MACROD1: variants seen among roughly 807,000 people sequenced by gnomAD.
The protein encoded by MACROD1 is mono-ADP ribosylhydrolase 1.
In MACROD1, 31 loss-of-function variants were observed where a neutral mutation model predicts 41.4. The observed-to-expected ratio is 0.75, with a 90% CI of 0.56 to 1.01. MACROD1 has a LOEUF of 1.01. Among genes scored for constraint, MACROD1 ranks in the 50% least tolerant of loss-of-function variants. The pLI, the probability that MACROD1 is intolerant of heterozygous loss-of-function variation, is 0.00. For synonymous variants in MACROD1, 252 were observed against 203.4 expected, an observed-to-expected ratio of 1.24 and a Z score of -2.03; for missense variants, 473 against 460.0, an observed-to-expected ratio of 1.03 and a Z score of -0.26.
In MACROD1 at chr11:63,999,727, T is replaced by C. The variant is rs1942785559; in HGVS notation, c.701A>G (p.Glu234Gly). 6.2e-7 allele frequency: 1 copy of C among 1,607,892 alleles called. No homozygotes were observed. Among genetic ancestry groups the C allele is most frequent in the Non-Finnish European group, 8.5e-7 (1 of 1,179,450 alleles). Residue 234 changes from glutamate (E) to glycine (G), a missense_variant, in exon 6 of 11, where the codon GAG becomes GGG. By Grantham distance (98) the Glu-to-Gly change is moderately conservative. Coordinates refer to ENST00000255681, the MANE Select transcript of MACROD1 (RefSeq NM_014067.4). ...CTCGGCAGCCTGACTGGCGCTGGGC[T>C]CCCCGTAGGCGATGGGCCCCACTGT... The part of the protein sequence containing the change: ...IHTVGPIAYG[E>G]PSASQAAELR...
At chr11:64,125,060 TGGCCAG>T (rs1945157900) in intron 3 of MACROD1, among the ~76,000 whole-genome samples, 1 of 152,122 alleles carries the variant, frequency 6.6e-6, no homozygotes, top group South Asian at 2.1e-4. Flanking sequence ...CTGGAGACCC[TGGCCAG>T]GGCCTGGCTC....
chr11:64,130,901 G>A (rs1050409054), intron 3 of MACROD1, among the ~76,000 whole-genome samples: 14 of 152,210 alleles, frequency 9.2e-5, no homozygotes, highest in African/African-American at 3.4e-4. Flanking sequence ...AATCTTATTT[G>A]CAATGCTGCC....
chr11:64,037,990 C>G (rs1228418008), intron 3 of MACROD1, among the ~76,000 whole-genome samples: 13 of 152,232 alleles, frequency 8.5e-5, no homozygotes, highest in Admixed American at 8.5e-4. Flanking sequence ...CTGAGGGTAT[C>G]TGCAGGGACT....
Position 64,157,389 on chromosome 11 carries a change from C to T in MACROD1, c.299-4996G>A, listed in dbSNP as rs148392934. Reference sequence around the variant, plus strand: ...GATTACAGGCGTGAGCCACCGCGCCCGGCCTTGCCCCATGAATTTCTAACA... The same window carrying T: ...GATTACAGGCGTGAGCCACCGCGCCTGGCCTTGCCCCATGAATTTCTAACA... On this transcript the variant is annotated intron_variant, in intron 1 of 10. Transcript: ENST00000255681. Among the ~76,000 whole-genome samples the T allele has an allele frequency of 2.3e-3, 354 of 152,304 alleles. 3 individuals carry two copies. Among genetic ancestry groups the T allele is most frequent in the African/African-American group, 8.2e-3 (342 of 41,560 alleles).
intron 3 of MACROD1, among the ~76,000 whole-genome samples, chr11:64,142,870 C>A (rs913846298): frequency 6.6e-6 from 1 of 152,036 alleles, no homozygotes; most frequent in African/African-American, 2.4e-5. Flanking sequence ...AGTCCCAGCA[C>A]TTTGGGAGGC....
rs985390517 is a variant in MACROD1, at chr11:64,082,194, G to T, written c.518-66913C>A. 6.6e-6 allele frequency among the ~76,000 whole-genome samples: 1 copy of T among 152,116 alleles called. No individual in the cohort carries two copies. Among genetic ancestry groups the T allele is most frequent in the South Asian group, 2.1e-4 (1 of 4,820 alleles). On this transcript the variant is annotated intron_variant, in intron 3 of 10. Coordinates refer to ENST00000255681, the MANE Select transcript of MACROD1 (RefSeq NM_014067.4). The surrounding 1 kb of genome is among the most constrained non-coding windows in gnomAD (Gnocchi z 4.5). ...GAGCAGGCCAGAGCCAGGAGCAGGC[G>T]CGAAACATCCCTTAAATATTGGTGC...
In MACROD1 at chr11:64,087,768, G is replaced by A. The variant is rs544394751; in HGVS notation, c.517+63471C>T. Reference sequence around the variant, plus strand: ...CCAGTACACAGAGCACGCTGTGCACGTCTGAATGACCGGAGGCTGGACGCC... The same window carrying A: ...CCAGTACACAGAGCACGCTGTGCACATCTGAATGACCGGAGGCTGGACGCC... On this transcript the variant is annotated intron_variant, in intron 3 of 10. Transcript: ENST00000255681. 8.5e-5 allele frequency among the ~76,000 whole-genome samples: 13 copies of A among 152,368 alleles called. No homozygotes were observed. In the South Asian group the frequency reaches 1.7e-3, roughly 19 times the overall value.
At chr11:64,046,742 G>C (rs533890915) in intron 3 of MACROD1, among the ~76,000 whole-genome samples, 1 of 151,912 alleles carries the variant, frequency 6.6e-6, no homozygotes, top group African/African-American at 2.4e-5. Flanking sequence ...TGAGTAATCC[G>C]CCTGCCTCAA....
At chr11:64,005,078 G>A in intron 4 of MACROD1, among the ~76,000 whole-genome samples, 1 of 119,892 alleles carries the variant, frequency 8.3e-6, no homozygotes, top group African/African-American at 3.1e-5. Context: ...TGCCCAGGCT[G>A]GAGTGCAATG....
At chr11:64,164,222 G>A (rs759617894) in intron 1 of MACROD1, among the ~76,000 whole-genome samples, 1 of 152,230 alleles carries the variant, frequency 6.6e-6, no homozygotes, top group Non-Finnish European at 1.5e-5. Flanking sequence ...ATAAAAGTTT[G>A]CTGCATGATT....
intron 8 of MACROD1, 42 bp from the exon 9 acceptor site, chr11:63,999,078 T>C: frequency 6.5e-7 from 1 of 1,544,202 alleles, no homozygotes. Flanking sequence ...CTGCCACGCC[T>C]GGCCCCAGGA....
At chr11:64,066,520 G>A (rs183626415) in intron 3 of MACROD1, among the ~76,000 whole-genome samples, 1 of 152,050 alleles carries the variant, frequency 6.6e-6, no homozygotes, top group Non-Finnish European at 1.5e-5. Flanking sequence ...TCCAGAGGCT[G>A]AGGCAGGAGG....
chr11:64,103,585 T>TA (rs35726613), intron 3 of MACROD1: 66,281 of 140,536 alleles, frequency 0.47, 15,590 homozygotes, highest in African/African-American at 0.62. Flanking sequence ...TTAAAGGAAT[T>TA]AAAAAAAAAA....
At chr11:64,000,180 G>C (rs527386031) in intron 5 of MACROD1, 47 bp downstream of exon 5, 2 of 1,497,706 alleles carry the variant, frequency 1.3e-6, no homozygotes, top group Non-Finnish European at 1.8e-6. Flanking sequence ...AGTGACACAC[G>C]GGCGCCCTGT....
rs186434210 is a variant in MACROD1, at chr11:64,108,131, T to C, written c.517+43108A>G. ...GAGTTAGTGACCAGCCTGACCAACA[T>C]GGAGAAATCCCGTCTCTACTAAAAA... On this transcript the variant is annotated intron_variant, in intron 3 of 10. Transcript: ENST00000255681. Among the ~76,000 whole-genome samples the C allele has an allele frequency of 3.6e-4, 54 of 152,042 alleles. No homozygotes were observed. The East Asian group carries it at 7.7e-3, about 22-fold the overall frequency.
chr11:64,150,997 C>A (rs1041335041), intron 3 of MACROD1, among the ~76,000 whole-genome samples: 6 of 152,220 alleles, frequency 3.9e-5, no homozygotes, highest in Non-Finnish European at 7.3e-5. Flanking sequence ...CAGCTCTCCC[C>A]CTTCCCCGGC....
chr11:64,088,992 G>A (rs1292585760), intron 3 of MACROD1, among the ~76,000 whole-genome samples: 1 of 152,188 alleles, frequency 6.6e-6, no homozygotes, highest in Admixed American at 6.5e-5. Context: ...CAGACTCAGA[G>A]AGAGCCACCG....
intron 3 of MACROD1, among the ~76,000 whole-genome samples, chr11:64,051,748 G>A (rs892982700): frequency 1.2e-4 from 18 of 152,118 alleles, no homozygotes; most frequent in Non-Finnish European, 2.1e-4. Context: ...ATAGCCCTGC[G>A]GCCCAGTCCC....
chr11:64,142,284 T>C (rs530193294), intron 3 of MACROD1, among the ~76,000 whole-genome samples: 3 of 152,210 alleles, frequency 2.0e-5, no homozygotes, highest in East Asian at 3.9e-4. Flanking sequence ...AATCCGACCA[T>C]GCTGGGAAGC....
Sources: gnomAD v4.1 joint callset for allele counts (sites outside exome capture counted in the v4.1 genomes callset) on GRCh38, gnomAD v4.1.1 for gene constraint, Gnocchi (gnomAD v3.1) non-coding constraint, MANE v1.5 for transcripts, NCBI Gene and HGNC (gene_info 2026-07-23, HGNC 2026-07-21) for gene names.